Variants in WDR17 observed in about 807,000 individuals in gnomAD.
WDR17 encodes WD repeat domain 17.
A neutral mutation model predicts 161.7 loss-of-function variants in WDR17; 143 were observed. That is an observed-to-expected ratio of 0.88 (90% CI 0.77 to 1.02). The LOEUF (loss-of-function observed/expected upper bound fraction) is 1.02. WDR17 is among the 50% of genes least tolerant of loss of function. WDR17 has a pLI of 0.00. For missense variants in WDR17, 1,469 were observed against 1,520.9 expected, an observed-to-expected ratio of 0.97 and a Z score of 0.57; for synonymous variants, 517 against 515.6, an observed-to-expected ratio of 1.00 and a Z score of -0.04.
chr4:176,137,698 T>C (rs2126777954), intron 9 of WDR17, 87 bp downstream of exon 9: 1 of 745,690 alleles, frequency 1.3e-6, no homozygotes, highest in Non-Finnish European at 1.9e-6. Context: ...CTTAATATAA[T>C]ATCACTTAAT....
chr4:176,144,166 A>G (rs1745775551), intron 11 of WDR17, among the ~76,000 whole-genome samples: 2 of 152,168 alleles, frequency 1.3e-5, no homozygotes, highest in South Asian at 2.1e-4. Flanking sequence ...TGGGTGGGAG[A>G]TAGATAACTG....
At chr4:176,074,557 C>T (rs868105624) in intron 1 of WDR17, among the ~76,000 whole-genome samples, 20 of 151,932 alleles carry the variant, frequency 1.3e-4, no homozygotes, top group African/African-American at 3.9e-4. Flanking sequence ...CCTGGGTTCA[C>T]GTGGTCCTCA....
intron 1 of WDR17, among the ~76,000 whole-genome samples, chr4:176,103,828 A>T (rs1001876327): frequency 2.6e-5 from 4 of 151,960 alleles, no homozygotes; most frequent in African/African-American, 9.7e-5. Flanking sequence ...GAGAAGAGAG[A>T]GAGATGGAAG....
At chr4:176,175,706 C>T (rs765471979) in intron 26 of WDR17, among the ~76,000 whole-genome samples, 29 of 152,130 alleles carry the variant, frequency 1.9e-4, no homozygotes, top group Non-Finnish European at 2.9e-4. Flanking sequence ...TACAGGTGCC[C>T]GCCACCACGC....
At chr4:176,074,488 A>C (rs1178985411) in intron 1 of WDR17, among the ~76,000 whole-genome samples, 1 of 151,722 alleles carries the variant, frequency 6.6e-6, no homozygotes, top group East Asian at 1.9e-4. Context: ...ACAGAGTCTC[A>C]CTTTGTCATC....
Position 176,172,424 on chromosome 4 carries a change from G to C in WDR17, c.3152G>C (p.Arg1051Pro). ...TGTATGCAGTTAGCTGAGACAGCCC[G>C]TGCAGATGACAATATATTTGAAACT... The part of the protein sequence containing the change: ...EECMQLAETA[R>P]ADDNIFETVK... Residue 1051 changes from arginine (R) to proline (P), a missense_variant, in exon 24 of 29, where the codon CGT becomes CCT. By Grantham distance (103) the Arg-to-Pro change is moderately radical (BLOSUM62 -2). Coordinates refer to ENST00000508596, the MANE Select transcript of WDR17 (RefSeq NM_181265.4). 1.2e-6 allele frequency: 2 copies of C among 1,611,554 alleles called. No homozygotes were observed. The highest frequency in any genetic ancestry group is 2.2e-5 in the East Asian group (1 of 44,822).
At chr4:176,108,579 A>G (rs2126683823) in intron 1 of WDR17, among the ~76,000 whole-genome samples, 1 of 152,224 alleles carries the variant, frequency 6.6e-6, no homozygotes, top group East Asian at 1.9e-4. Flanking sequence ...ACTTTGAGTG[A>G]TAATGATGTG....
intron 6 of WDR17, among the ~76,000 whole-genome samples, chr4:176,130,702 G>A (rs1477763826): frequency 4.1e-5 from 6 of 146,148 alleles, no homozygotes; most frequent in Admixed American, 7.0e-5. Flanking sequence ...CCGAGATCAT[G>A]CCACAGCACT....
chr4:176,143,516 T>A (rs9312591), intron 11 of WDR17, among the ~76,000 whole-genome samples: 27,728 of 138,968 alleles, frequency 0.2, 3,036 homozygotes, highest in South Asian at 0.28. Flanking sequence ...AAAAAAAAAA[T>A]GAAAAATGAA....
chr4:176,079,182 G>C (rs879422225), intron 1 of WDR17, among the ~76,000 whole-genome samples: 1 of 152,014 alleles, frequency 6.6e-6, no homozygotes, highest in Non-Finnish European at 1.5e-5. Context: ...GCTTATCTAT[G>C]TTGCCATGAA....
intron 1 of WDR17, among the ~76,000 whole-genome samples, chr4:176,088,113 C>T (rs575034835): frequency 2.6e-5 from 4 of 151,812 alleles, no homozygotes; most frequent in Non-Finnish European, 5.9e-5. Flanking sequence ...CAAAGTGCTG[C>T]GATTACAGGC....
At chr4:176,082,849 G>A (rs1734929473) in intron 1 of WDR17, among the ~76,000 whole-genome samples, 1 of 133,196 alleles carries the variant, frequency 7.5e-6, no homozygotes, top group Admixed American at 7.5e-5. Context: ...TAGCAAAGAT[G>A]AAGATGAATT....
chr4:176,150,638 C>G, intron 16 of WDR17, 45 bp downstream of exon 16: 1 of 1,525,508 alleles, frequency 6.6e-7, no homozygotes, highest in Non-Finnish European at 8.8e-7. Flanking sequence ...AAATTTTTTG[C>G]CTTTTCACTA....
rs1333955859 is a variant in WDR17, at chr4:176,109,848, G to A, written c.-6-1727G>A. Among the ~76,000 whole-genome samples, 8 of 152,260 alleles carry A rather than the reference G, an allele frequency of 5.3e-5. No homozygotes were observed. The South Asian group carries it at 1.5e-3, about 28-fold the overall frequency. The stretch of plus-strand genomic sequence containing the variant: ...GTTTTGTATGTGTGATATTTTACAT[G>A]TTGTGGTTTTGACATTAACATTATG... On this transcript the variant is annotated intron_variant, in intron 1 of 28. Transcript: ENST00000508596.
chr4:176,168,370 A>G (rs1750196002), intron 22 of WDR17, among the ~76,000 whole-genome samples: 1 of 152,128 alleles, frequency 6.6e-6, no homozygotes, highest in Non-Finnish European at 1.5e-5. Flanking sequence ...CATATTCAAA[A>G]CTACTTAGAT....
chr4:176,128,598 C>T, intron 5 of WDR17, 140 bp from the exon 6 acceptor site: 1 of 783,228 alleles, frequency 1.3e-6, no homozygotes, highest in Non-Finnish European at 2.0e-6. Flanking sequence ...GGTTGTATTA[C>T]TGTATGGTAT....
At chr4:176,137,016 C>T (rs1744523703) in intron 8 of WDR17, among the ~76,000 whole-genome samples, 1 of 151,412 alleles carries the variant, frequency 6.6e-6, no homozygotes, top group Non-Finnish European at 1.5e-5. Context: ...TTTCTTAAAA[C>T]AGAAAGCATT....
At chr4:176,082,121 A>G (rs1453628848) in intron 1 of WDR17, among the ~76,000 whole-genome samples, 2 of 151,972 alleles carry the variant, frequency 1.3e-5, no homozygotes, top group African/African-American at 2.4e-5. Context: ...GTTCCTGGCC[A>G]TGATTTATAC....
chr4:176,075,525 T>G (rs1733845552), intron 1 of WDR17, among the ~76,000 whole-genome samples: 1 of 152,244 alleles, frequency 6.6e-6, no homozygotes, highest in Non-Finnish European at 1.5e-5. Flanking sequence ...CTTAATACAT[T>G]TTAAAAATTA....
Sources: gnomAD v4.1 joint callset for allele counts (sites outside exome capture counted in the v4.1 genomes callset) on GRCh38, gnomAD v4.1.1 for gene constraint, MANE v1.5 for transcripts, NCBI Gene and HGNC (gene_info 2026-07-23, HGNC 2026-07-21) for gene names.